The following TYW1B variants were observed in gnomAD, a reference collection of about 807,000 sequenced individuals.
The protein encoded by TYW1B is S-adenosyl-L-methionine-dependent tRNA 4-demethylwyosine synthase TYW1B.
TYW1B carries 73 observed loss-of-function variants against 86.9 expected under a neutral mutation model. The ratio of observed to expected loss-of-function variants is 0.84; its 90% CI spans 0.70 to 1.02. The LOEUF (loss-of-function observed/expected upper bound fraction) is 1.02, where lower values mean the gene tolerates loss of function less well. Among genes scored for constraint, TYW1B ranks in the 50% least tolerant of loss-of-function variants. The probability of loss-of-function intolerance (pLI) is 0.00; values close to 1 mark genes in which losing one functional copy is unlikely to be tolerated. For missense variants in TYW1B, 637 were observed against 827.4 expected (o/e 0.77, Z 2.82); for synonymous variants, 248 against 292.8 (o/e 0.85, Z 1.56).
In TYW1B at chr7:72,720,932, T is replaced by C. The variant is rs574769566; in HGVS notation, c.1193-7134A>G. ...ACCCATGACAGGCCCCGATGTGTGA[T>C]GTTCCCCTTCCTATGTCTAAGTGTT... On this transcript the variant is annotated intron_variant, in intron 9 of 13. Transcript: ENST00000620995. Among the ~76,000 whole-genome samples the C allele has an allele frequency of 8.3e-5, 11 of 131,952 alleles. No homozygotes were observed. In the East Asian group the frequency reaches 1.8e-3, roughly 22 times the overall value. 86.6% of individuals were successfully genotyped at this position (131,952 alleles called of 152,430 possible).
At position 72,807,336 on chromosome 7, in the gene TYW1B, C is replaced by T. The variant is rs568529386; in HGVS notation, c.453G>A (p.Lys151=). 73 of 1,611,936 alleles carry T rather than the reference C, an allele frequency of 4.5e-5. No individual in the cohort carries two copies. The highest frequency in any genetic ancestry group is 5.6e-5 in the Non-Finnish European group (66 of 1,178,092). The change falls in exon 5 of 14, where the codon AAG becomes AAA. Residue 151 remains lysine (K), a synonymous_variant. Transcript: ENST00000620995. Reference sequence around the variant, plus strand: ...GATGCACGCCAAGCATCCAGAGCCACTTGTCAACATTTTTGCCAACCTGCG... The same window carrying T: ...GATGCACGCCAAGCATCCAGAGCCATTTGTCAACATTTTTGCCAACCTGCG... ...HFNKVGKNVD[K]WLWMLGVHRV... is the part of the protein sequence containing the mutation.
At chr7:72,808,316 G>C (rs1788534257) in intron 4 of TYW1B, among the ~76,000 whole-genome samples, 1 of 151,830 alleles carries the variant, frequency 6.6e-6, no homozygotes, top group African/African-American at 2.4e-5. Context: ...CTGGATGTGT[G>C]GTGGGCGCCT....
At chr7:72,707,225 A>G (rs1814635065) in intron 10 of TYW1B, among the ~76,000 whole-genome samples, 1 of 152,240 alleles carries the variant, frequency 6.6e-6, no homozygotes, top group Non-Finnish European at 1.5e-5. Flanking sequence ...GGCTTGAAAG[A>G]TGCTCGCGCA....
intron 8 of TYW1B, among the ~76,000 whole-genome samples, chr7:72,737,597 A>G: frequency 6.6e-6 from 1 of 152,216 alleles, no homozygotes; most frequent in East Asian, 1.9e-4. Context: ...CTGTGAAACA[A>G]GAAAAACTAG....
chr7:72,617,752 T>C (rs1812111998), intron 12 of TYW1B, among the ~76,000 whole-genome samples: 1 of 152,220 alleles, frequency 6.6e-6, no homozygotes, highest in African/African-American at 2.4e-5. Context: ...AATATATTTG[T>C]GCATGTACCT....
intron 7 of TYW1B, among the ~76,000 whole-genome samples, chr7:72,771,441 G>C (rs1189434822): frequency 7.2e-5 from 11 of 152,258 alleles, no homozygotes; most frequent in Admixed American, 6.5e-4. Context: ...ATCAAAATTT[G>C]CTGAACTCAT....
chr7:72,638,078 T>C (rs1362760204), intron 11 of TYW1B, among the ~76,000 whole-genome samples: 1 of 150,724 alleles, frequency 6.6e-6, no homozygotes, highest in Non-Finnish European at 1.5e-5. Flanking sequence ...GTAAAACTTT[T>C]GTAATGGGGG....
intron 11 of TYW1B, among the ~76,000 whole-genome samples, chr7:72,665,722 A>AT (rs1465125786): frequency 6.6e-6 from 1 of 151,996 alleles, no homozygotes; most frequent in African/African-American, 2.4e-5. Flanking sequence ...ATTTTTGTTT[A>AT]TTTTTTGTCT....
At chr7:72,600,355 C>T (rs148803339) in intron 13 of TYW1B, among the ~76,000 whole-genome samples, 1,905 of 152,310 alleles carry the variant, frequency 0.013, 40 homozygotes, top group African/African-American at 0.041. Flanking sequence ...TCTAACTTAT[C>T]TCTTTCAAAA....
chr7:72,773,285 T>C (rs1159910764), intron 7 of TYW1B, among the ~76,000 whole-genome samples: 1 of 152,200 alleles, frequency 6.6e-6, no homozygotes, highest in Non-Finnish European at 1.5e-5. Flanking sequence ...ATTCTGCTTC[T>C]AGCCAAGATG....
intron 1 of TYW1B, among the ~76,000 whole-genome samples, chr7:72,827,619 T>TA (rs1275275794): frequency 1.7e-3 from 262 of 152,258 alleles, no homozygotes; most frequent in African/African-American, 6.0e-3. Context: ...GCTTGCTCCA[T>TA]AAAAAAAGCT....
At chr7:72,815,792 CACT>C (rs1235475639) in intron 2 of TYW1B, among the ~76,000 whole-genome samples, 1 of 152,102 alleles carries the variant, frequency 6.6e-6, no homozygotes, top group Non-Finnish European at 1.5e-5. Flanking sequence ...GTAATCCCAG[CACT>C]TTGGGAGGCT....
chr7:72,750,595 T>C lies in TYW1B; in HGVS notation c.965-5994A>G, dbSNP rs1554464890. 2.6e-5 allele frequency among the ~76,000 whole-genome samples: 4 copies of C among 152,290 alleles called. No individual in the cohort carries two copies. The East Asian group carries it at 5.8e-4, about 22-fold the overall frequency. ...TCCCTCAAATTCATGAAGCTGTAGG[T>C]TGATGTCTTTCATCAAATTTGGGCT... On this transcript the variant is annotated intron_variant, in intron 7 of 13. Transcript: ENST00000620995.
chr7:72,814,796 C>T (rs1476547814), intron 3 of TYW1B, among the ~76,000 whole-genome samples: 1 of 149,520 alleles, frequency 6.7e-6, no homozygotes. Context: ...CAGGCACAGT[C>T]GCTCACGCCT....
At chr7:72,576,514 T>A (rs1421627103) in intron 13 of TYW1B, among the ~76,000 whole-genome samples, 1 of 148,648 alleles carries the variant, frequency 6.7e-6, no homozygotes, top group Non-Finnish European at 1.5e-5. Flanking sequence ...ACTGTCTTTT[T>A]TTTTTTTTTT....
chr7:72,602,511 G>T (rs546797119), intron 13 of TYW1B, among the ~76,000 whole-genome samples: 2 of 152,236 alleles, frequency 1.3e-5, no homozygotes, highest in Non-Finnish European at 2.9e-5. Context: ...GCCCAACAAT[G>T]AGCATACCTT....
chr7:72,764,351 C>T (rs1221923862), intron 7 of TYW1B, among the ~76,000 whole-genome samples: 1 of 152,186 alleles, frequency 6.6e-6, no homozygotes, highest in East Asian at 1.9e-4. Flanking sequence ...GGGGCGATCT[C>T]GGCTCACTGC....
chr7:72,794,263 G>C (rs1354055157), intron 6 of TYW1B, among the ~76,000 whole-genome samples: 3 of 152,062 alleles, frequency 2.0e-5, no homozygotes, highest in Non-Finnish European at 2.9e-5. Flanking sequence ...GCAGCCATCA[G>C]TATACTTCTT....
At position 72,781,536 on chromosome 7, in the gene TYW1B, CT is replaced by C. The variant is rs540313891; in HGVS notation, c.847-4004del. Among the ~76,000 whole-genome samples, 42 of 152,284 alleles carry C rather than the reference CT, an allele frequency of 2.8e-4. 1 individual carries two copies. The highest frequency in any genetic ancestry group is 3.4e-3 in the Middle Eastern group (1 of 294). On this transcript the variant is annotated intron_variant, in intron 6 of 13. Coordinates refer to ENST00000620995, the MANE Select transcript of TYW1B (RefSeq NM_001145440.3). ...CCAGTCGACTCCCAGTAAAGCCTTT[CT>C]TTTTTCAAAAGCCAGTGCCACAGTA...
Sources: gnomAD v4.1 joint callset for allele counts (sites outside exome capture counted in the v4.1 genomes callset) on GRCh38, gnomAD v4.1.1 for gene constraint, MANE v1.5 for transcripts, NCBI Gene and HGNC (gene_info 2026-07-23, HGNC 2026-07-21) for gene names.